Variants in HCRTR2 observed in about 807,000 individuals in gnomAD.
The protein encoded by HCRTR2 is hypocretin receptor 2, also known as orexin receptor type 2.
A neutral mutation model predicts 49.0 loss-of-function variants in HCRTR2; 22 were observed. That is an observed-to-expected ratio of 0.45 (90% CI 0.32 to 0.64). HCRTR2 has a LOEUF of 0.64. Ranked by LOEUF, HCRTR2 falls within the 30% of genes least tolerant of loss-of-function variation. HCRTR2 has a pLI of 0.04. For missense variants in HCRTR2, 491 were observed against 559.4 expected (o/e 0.88, Z 1.23); for synonymous variants, 236 against 205.3 (o/e 1.15, Z -1.28).
intron 1 of HCRTR2, among the ~76,000 whole-genome samples, chr6:55,109,968 T>C (rs1432919292): frequency 1.3e-5 from 2 of 151,898 alleles, no homozygotes; most frequent in African/African-American, 4.8e-5. Context: ...GAGCTGTGAG[T>C]CAAAAGCATC....
intron 1 of HCRTR2, among the ~76,000 whole-genome samples, chr6:55,151,637 T>A (rs893677083): frequency 6.6e-6 from 1 of 152,008 alleles, no homozygotes; most frequent in Non-Finnish European, 1.5e-5. Context: ...AAACTCCTGT[T>A]AATGTTGATA....
intron 1 of HCRTR2, among the ~76,000 whole-genome samples, chr6:55,245,100 C>T (rs1036813185): frequency 4.0e-5 from 6 of 151,740 alleles, no homozygotes; most frequent in South Asian, 2.1e-4. Context: ...TCAGTTAATA[C>T]GATACCCACA....
chr6:55,118,476 A>T (rs1229448299), intron 1 of HCRTR2, among the ~76,000 whole-genome samples: 1 of 151,960 alleles, frequency 6.6e-6, no homozygotes, highest in Non-Finnish European at 1.5e-5. Context: ...GAATTGCCAC[A>T]CCGTCTTCCA....
chr6:55,199,877 C>A (rs1003255553), intron 1 of HCRTR2, among the ~76,000 whole-genome samples: 1 of 152,152 alleles, frequency 6.6e-6, no homozygotes, highest in Admixed American at 6.6e-5. Context: ...AATCTAAATT[C>A]ATCACAGGTT....
At chr6:55,172,929 G>C (rs528338040), upstream of HCRTR2, among the ~76,000 whole-genome samples, 1 of 152,078 alleles carries the variant, frequency 6.6e-6, no homozygotes, top group African/African-American at 2.4e-5. Flanking sequence ...AAAGAATAAT[G>C]TACTTTTTGC....
intron 1 of HCRTR2, among the ~76,000 whole-genome samples, chr6:55,181,503 T>C (rs1198492220): frequency 6.6e-6 from 1 of 152,224 alleles, no homozygotes; most frequent in East Asian, 1.9e-4. Flanking sequence ...TCTTTACAAG[T>C]AATTTGCCTT....
chr6:55,250,927 C>T (rs906466258), intron 2 of HCRTR2, among the ~76,000 whole-genome samples: 3 of 152,128 alleles, frequency 2.0e-5, no homozygotes, highest in African/African-American at 4.8e-5. Flanking sequence ...CCCCATCTAA[C>T]ATTACTTCTT....
intron 1 of HCRTR2, among the ~76,000 whole-genome samples, chr6:55,214,555 GGACTTGAACTATT>G (rs1445063079): frequency 4.6e-5 from 7 of 151,560 alleles, no homozygotes; most frequent in Admixed American, 1.3e-4. Flanking sequence ...TGTTCAGGCT[GGACTTGAACTATT>G]GACTTCAAGG....
chr6:55,234,175 TTTC>T (rs1288365293), intron 1 of HCRTR2, among the ~76,000 whole-genome samples: 1 of 152,200 alleles, frequency 6.6e-6, no homozygotes, highest in African/African-American at 2.4e-5. Flanking sequence ...ATTGAGTTAT[TTTC>T]TTCTCTCCAG....
intron 1 of HCRTR2, among the ~76,000 whole-genome samples, chr6:55,200,772 G>T (rs1344428138): frequency 6.6e-6 from 1 of 151,952 alleles, no homozygotes; most frequent in East Asian, 1.9e-4. Context: ...CTATATTATT[G>T]TATATTCTCT....
At chr6:55,161,994 T>C (rs976760044) in intron 1 of HCRTR2, among the ~76,000 whole-genome samples, 1 of 152,166 alleles carries the variant, frequency 6.6e-6, no homozygotes, top group African/African-American at 2.4e-5. Flanking sequence ...GAGGCTGGCA[T>C]CATCCTGATA....
intron 1 of HCRTR2, among the ~76,000 whole-genome samples, chr6:55,179,566 A>G (rs73743284): frequency 0.012 from 1,778 of 152,306 alleles, 38 homozygotes; most frequent in African/African-American, 0.04. Flanking sequence ...TTTATCATGG[A>G]CAGACAATAA....
At chr6:55,118,450 T>C (rs1764150059) in intron 1 of HCRTR2, among the ~76,000 whole-genome samples, 1 of 151,850 alleles carries the variant, frequency 6.6e-6, no homozygotes, top group Non-Finnish European at 1.5e-5. Context: ...GGTATTTCTG[T>C]CTTTAGGTCT....
At chr6:55,117,116 C>A (rs1173231751) in intron 1 of HCRTR2, among the ~76,000 whole-genome samples, 3 of 151,732 alleles carry the variant, frequency 2.0e-5, no homozygotes, top group Non-Finnish European at 4.4e-5. Context: ...AACTTGGACA[C>A]CATTCAAATA....
At chr6:55,263,933 C>T (rs1766816783) in intron 4 of HCRTR2, 111 bp downstream of exon 4, 1 of 723,830 alleles carries the variant, frequency 1.4e-6, no homozygotes, top group South Asian at 1.5e-5. Context: ...CACTTATAAA[C>T]AAAATTTAAG....
At chr6:55,204,059 T>C (rs1765557874) in intron 1 of HCRTR2, among the ~76,000 whole-genome samples, 1 of 152,142 alleles carries the variant, frequency 6.6e-6, no homozygotes, top group African/African-American at 2.4e-5. Flanking sequence ...CACAAGCCTG[T>C]TAAATAGTCC....
In HCRTR2 at chr6:55,257,766, CTT is replaced by C. The variant is rs1250292802; in HGVS notation, c.646+2388_646+2389del. Among the ~76,000 whole-genome samples the C allele has an allele frequency of 3.3e-5, 5 of 151,692 alleles. No homozygotes were observed. The East Asian group carries it at 5.8e-4, about 18-fold the overall frequency. On this transcript the variant is annotated intron_variant, in intron 3 of 6. Transcript: ENST00000370862. ...ATTGTTGAATATGTAAAAACCTAAA[CTT>C]AGCCTTCAGAAGTCATTTAAGAAAA...
At chr6:55,239,212 C>T (rs1766272900) in intron 1 of HCRTR2, among the ~76,000 whole-genome samples, 1 of 152,208 alleles carries the variant, frequency 6.6e-6, no homozygotes, top group Non-Finnish European at 1.5e-5. Flanking sequence ...GTCTTCCTAA[C>T]CTTTTCCTCA....
At chr6:55,249,656 G>A (rs1766510679) in intron 2 of HCRTR2, among the ~76,000 whole-genome samples, 1 of 152,036 alleles carries the variant, frequency 6.6e-6, no homozygotes, top group South Asian at 2.1e-4. Context: ...AGTGAAAACA[G>A]CTTCTTTTTC....
Sources: allele counts gnomAD v4.1 joint callset (sites outside exome capture counted in the v4.1 genomes callset), GRCh38; gene constraint gnomAD v4.1.1; transcripts MANE v1.5; gene names NCBI Gene and HGNC (gene_info 2026-07-23, HGNC 2026-07-21).